The following GABRA2 variants were observed in gnomAD, a reference collection of about 807,000 sequenced individuals.
GABRA2 encodes the protein gamma-aminobutyric acid type A receptor subunit alpha2.
In GABRA2, 16 loss-of-function variants were observed where a neutral mutation model predicts 48.7. That is an observed-to-expected ratio of 0.33 (90% confidence interval 0.22 to 0.50). The LOEUF (loss-of-function observed/expected upper bound fraction) is 0.50. Ranked by LOEUF, GABRA2 falls within the 20% of genes least tolerant of loss-of-function variation. GABRA2 has a pLI of 0.98. For synonymous variants in GABRA2, 185 were observed against 184.5 expected, an observed-to-expected ratio of 1.00 and a Z score of -0.02; for missense variants, 275 against 535.6, an observed-to-expected ratio of 0.51 and a Z score of 4.80.
chr4:46,378,827 C>CAAA (rs113954847), intron 3 of GABRA2, among the ~76,000 whole-genome samples: 1 of 138,286 alleles, frequency 7.2e-6, no homozygotes, highest in Non-Finnish European at 1.6e-5. Flanking sequence ...GATTCTGCCT[C>CAAA]AAAAAAAAAA....
At chr4:46,302,074 CTT>C (rs58568555) in intron 8 of GABRA2, among the ~76,000 whole-genome samples, 1 of 145,306 alleles carries the variant, frequency 6.9e-6, no homozygotes. Flanking sequence ...TCATTTTATT[CTT>C]TTTTTTTTTT....
At chr4:46,291,772 C>T (rs1330999282) in intron 8 of GABRA2, among the ~76,000 whole-genome samples, 1 of 115,678 alleles carries the variant, frequency 8.6e-6, no homozygotes, top group Non-Finnish European at 2.0e-5. Flanking sequence ...TTAATAAACA[C>T]ACACATATAT....
At chr4:46,340,861 A>T (rs1014212243) in intron 3 of GABRA2, among the ~76,000 whole-genome samples, 20 of 151,950 alleles carry the variant, frequency 1.3e-4, no homozygotes, top group African/African-American at 4.8e-4. Flanking sequence ...AAATTCTATT[A>T]TGCAAATGTT....
At chr4:46,371,107 C>T (rs1228236637) in intron 3 of GABRA2, among the ~76,000 whole-genome samples, 1 of 152,108 alleles carries the variant, frequency 6.6e-6, no homozygotes, top group African/African-American at 2.4e-5. Flanking sequence ...TACAGCTTTG[C>T]CATCACAAAA....
intron 3 of GABRA2, among the ~76,000 whole-genome samples, chr4:46,342,993 A>G (rs1733539761): frequency 1.3e-5 from 2 of 151,970 alleles, no homozygotes; most frequent in Admixed American, 6.6e-5. Flanking sequence ...ATATTTATAT[A>G]GGGTTAACTA....
rs189228644 is a variant in GABRA2, at chr4:46,386,319, T to C, written c.72-130A>G. 1.4e-4 allele frequency: 85 copies of C among 590,668 alleles called. No homozygotes were observed. In the African/African-American group the frequency reaches 1.5e-3, roughly 10 times the overall value. 36.6% of individuals were successfully genotyped at this position (590,668 alleles called of 1,614,324 possible). On this transcript the variant is annotated intron_variant, in intron 2 of 9. Coordinates refer to ENST00000381620, the MANE Select transcript of GABRA2 (RefSeq NM_000807.4). ...AGTACCACCCGTTTTCCTCCTTTTTTTTTAACTTCTATAAATATCGGTTTG... is the reference window on the plus strand; with the variant it reads ...AGTACCACCCGTTTTCCTCCTTTTTCTTTAACTTCTATAAATATCGGTTTG...
intron 8 of GABRA2, among the ~76,000 whole-genome samples, chr4:46,286,187 T>C (rs1298973617): frequency 6.6e-6 from 1 of 152,098 alleles, no homozygotes; most frequent in Non-Finnish European, 1.5e-5. Flanking sequence ...ATATTTCATA[T>C]AAAGGAATCA....
chr4:46,377,128 C>G (rs1013905568), intron 3 of GABRA2, among the ~76,000 whole-genome samples: 6 of 151,908 alleles, frequency 3.9e-5, no homozygotes, highest in African/African-American at 9.7e-5. Flanking sequence ...CCCAAAGTGC[C>G]GAGATTGCAG....
intron 4 of GABRA2, among the ~76,000 whole-genome samples, chr4:46,328,289 TGTGTGTGC>T (rs1358204864): frequency 3.3e-5 from 4 of 123,034 alleles, no homozygotes; most frequent in African/African-American, 1.2e-4. Flanking sequence ...TGTGTGTGTG[TGTGTGTGC>T]GCACACGCAT....
intron 8 of GABRA2, among the ~76,000 whole-genome samples, chr4:46,290,417 A>G (rs1723414703): frequency 2.3e-5 from 3 of 131,924 alleles, no homozygotes; most frequent in African/African-American, 8.1e-5. Flanking sequence ...TAGAATGTCT[A>G]TTTAATTAGA....
At chr4:46,359,693 G>A (rs375848080) in intron 3 of GABRA2, among the ~76,000 whole-genome samples, 9 of 152,098 alleles carry the variant, frequency 5.9e-5, no homozygotes, top group Non-Finnish European at 7.4e-5. Context: ...CGAGGCAGAC[G>A]GATCATGAGG....
At position 46,244,312 on chromosome 4, in the gene GABRA2, TA is replaced by T. The variant is rs1336653025; in HGVS notation, c.*5995del. 2.6e-5 allele frequency: 4 copies of T among 151,682 alleles called. No individual in the cohort carries two copies. Among genetic ancestry groups the T allele is most frequent in the Middle Eastern group, 3.2e-3 (1 of 316 alleles). 9.4% of individuals were successfully genotyped at this position (151,682 alleles called of 1,614,324 possible). A position where few individuals can be genotyped will look rare whatever the true frequency, so the allele number is the denominator to read the frequency against. On this transcript the variant is annotated 3_prime_UTR_variant, in exon 10 of 10. Transcript: ENST00000381620. Reference sequence around the variant, plus strand: ...ACTATTTCTAAAGTAATTCTGCAACTAACTCTTGCTTTCTTAGCATCAGTTG... The same window carrying T: ...ACTATTTCTAAAGTAATTCTGCAACTACTCTTGCTTTCTTAGCATCAGTTG...
chr4:46,295,179 G>T (rs1319763020), intron 8 of GABRA2, among the ~76,000 whole-genome samples: 1 of 152,216 alleles, frequency 6.6e-6, no homozygotes, highest in African/African-American at 2.4e-5. Flanking sequence ...GGACATCCCT[G>T]AAGGACGGCA....
At chr4:46,389,600 G>T in intron 1 of GABRA2, 135 bp downstream of exon 1, 1 of 473,448 alleles carries the variant, frequency 2.1e-6, no homozygotes, top group Non-Finnish European at 2.8e-6. Context: ...CGCTGGGGAG[G>T]AGGGAGGTGC....
intron 1 of GABRA2, chr4:46,389,044 T>C (rs997975047): frequency 9.2e-7 from 1 of 1,086,798 alleles, no homozygotes; most frequent in African/African-American, 1.7e-5. Flanking sequence ...GCACACGTAA[T>C]AATAACACCC....
intron 3 of GABRA2, among the ~76,000 whole-genome samples, chr4:46,335,987 A>T (rs1732163859): frequency 6.6e-6 from 1 of 151,894 alleles, no homozygotes. Flanking sequence ...GGACCTTTCA[A>T]CTTTGCCTTT....
intron 9 of GABRA2, among the ~76,000 whole-genome samples, chr4:46,257,790 A>C (rs1464505796): frequency 1.3e-5 from 2 of 151,710 alleles, no homozygotes; most frequent in Non-Finnish European, 3.0e-5. Context: ...AACTATAAAA[A>C]GTATGAGAGA....
At chr4:46,291,409 C>T (rs913387157) in intron 8 of GABRA2, among the ~76,000 whole-genome samples, 5 of 152,038 alleles carry the variant, frequency 3.3e-5, no homozygotes, top group Non-Finnish European at 7.4e-5. Context: ...GTCAACTTGA[C>T]TGGATTGAAG....
chr4:46,284,039 A>G (rs890168935), intron 8 of GABRA2, among the ~76,000 whole-genome samples: 3 of 150,658 alleles, frequency 2.0e-5, no homozygotes, highest in Non-Finnish European at 3.0e-5. Context: ...GACTACAGGC[A>G]TGAGCCACCA....
Sources: gnomAD v4.1 joint callset for allele counts (sites outside exome capture counted in the v4.1 genomes callset) on GRCh38, gnomAD v4.1.1 for gene constraint, MANE v1.5 for transcripts, NCBI Gene and HGNC (gene_info 2026-07-23, HGNC 2026-07-21) for gene names.